The following DOCK11 variants were observed in gnomAD, a reference collection of about 807,000 sequenced individuals.
DOCK11 encodes dedicator of cytokinesis 11, also known as dedicator of cytokinesis protein 11.
In DOCK11, 70 loss-of-function variants were observed where a neutral mutation model predicts 169.1. The observed-to-expected ratio is 0.41, with a 90% confidence interval of 0.34 to 0.51. The LOEUF (loss-of-function observed/expected upper bound fraction) is 0.51, where lower values mean the gene tolerates loss of function less well. DOCK11 is among the 20% of genes least tolerant of loss of function. The pLI, the probability that DOCK11 is intolerant of heterozygous loss-of-function variation, is 0.10. For missense variants in DOCK11, 1,166 were observed against 1,538.8 expected (o/e 0.76, Z 4.05); for synonymous variants, 529 against 541.3 (o/e 0.98, Z 0.32).
At chrX:118,666,813 G>A (rs1393929848) in intron 45 of DOCK11, among the ~76,000 whole-genome samples, 1 of 111,653 alleles carries the variant, frequency 9.0e-6, no homozygotes, top group African/African-American at 3.3e-5. Context: ...TGGTTGGACC[G>A]TTTTATACTG....
chrX:118,672,716 T>A lies in DOCK11; in HGVS notation c.5199+1571T>A, dbSNP rs142335684. On this transcript the variant is annotated intron_variant, in intron 46 of 52. Coordinates refer to ENST00000276202, the MANE Select transcript of DOCK11 (RefSeq NM_144658.4). ...TCCCAAAGTGCTGGGATTACAGGCG[T>A]GAGCCACCGTGCCCGGCCTGGCCAT... 4.8e-3 allele frequency among the ~76,000 whole-genome samples: 540 copies of A among 113,252 alleles called. 4 individuals carry two copies. The highest frequency in any genetic ancestry group is 0.016 in the African/African-American group (509 of 31,248).
At chrX:118,604,521 C>CTTTTTTTTTT (rs74504860) in intron 23 of DOCK11, among the ~76,000 whole-genome samples, 9 of 38,195 alleles carry the variant, frequency 2.4e-4, no homozygotes, top group Admixed American at 1.4e-3. Context: ...GGTTTGTTTC[C>CTTTTTTTTTT]TTTTTTTTTT....
chrX:118,583,457 A>G (rs190954046), intron 14 of DOCK11, among the ~76,000 whole-genome samples: 117 of 111,012 alleles, frequency 1.1e-3, no homozygotes, highest in Non-Finnish European at 2.1e-3. Context: ...ACACATATAT[A>G]TATATGAAGT....
intron 1 of DOCK11, among the ~76,000 whole-genome samples, chrX:118,516,004 A>ACTATATATATATATATATATATAT (rs1436837389): frequency 0.055 from 2,469 of 44,858 alleles, 282 homozygotes; most frequent in East Asian, 0.19. Context: ...GATTTGGGCA[A>ACTATATATATATATATATATATAT]ATATATATAT....
Position 118,636,412 on chromosome X carries a change from A to C in DOCK11, c.3953A>C (p.Glu1318Ala). ...CTCATAAACATTCTTATACTTTTAG[A>C]GTAAGTTATATTAATTTATCTTCAT... ...QELINILILL[E>A]VCLFHFRYMG... Residue 1318 changes from glutamate (E) to alanine (A), a missense_variant and splice_region_variant, in exon 36 of 53, where the codon GAA (glutamate) becomes GCA (alanine). Coordinates refer to ENST00000276202, the MANE Select transcript of DOCK11 (RefSeq NM_144658.4). 1.0e-6 allele frequency: 1 copy of C among 995,800 alleles called. No homozygotes were observed. Among genetic ancestry groups the C allele is most frequent in the Non-Finnish European group, 1.4e-6 (1 of 724,607 alleles). 82.1% of individuals were successfully genotyped at this position (995,800 alleles called of 1,213,427 possible).
intron 44 of DOCK11, among the ~76,000 whole-genome samples, chrX:118,662,479 A>C: frequency 8.9e-6 from 1 of 112,797 alleles, no homozygotes; most frequent in Non-Finnish European, 1.9e-5. Flanking sequence ...TAACTAACTT[A>C]AGCTCACTTT....
In DOCK11 at chrX:118,542,916, T is replaced by C; in HGVS notation, c.220-10T>C. On this transcript the variant is annotated splice_polypyrimidine_tract_variant and intron_variant, in intron 2 of 52. Coordinates refer to ENST00000276202, the MANE Select transcript of DOCK11 (RefSeq NM_144658.4). ...CAGTTCTTACAGCAAAAATGTTCTT[T>C]GTGTTCTAGATCTCGGTGATAGGTC... 8.3e-7 allele frequency: 1 copy of C among 1,210,216 alleles called. No homozygotes were observed. Among genetic ancestry groups the C allele is most frequent in the East Asian group, 3.0e-5 (1 of 33,863 alleles).
intron 51 of DOCK11, among the ~76,000 whole-genome samples, chrX:118,682,702 AC>A (rs2016772539): frequency 8.9e-6 from 1 of 112,389 alleles, no homozygotes; most frequent in South Asian, 3.7e-4. Context: ...CCAGCACTGT[AC>A]TAGCCACATA....
chrX:118,497,288 C>T (rs1325247468), intron 1 of DOCK11, among the ~76,000 whole-genome samples: 1 of 108,200 alleles, frequency 9.2e-6, no homozygotes, highest in Non-Finnish European at 1.9e-5. Context: ...GTAGAATCAG[C>T]AATAAAACCC....
intron 19 of DOCK11, among the ~76,000 whole-genome samples, chrX:118,591,778 C>A (rs1455858926): frequency 6.1e-5 from 2 of 32,569 alleles, no homozygotes; most frequent in African/African-American, 7.7e-5. Context: ...GCTGTCCCTC[C>A]CCCCTCCCCC....
In DOCK11 at chrX:118,657,401, C is replaced by A. The variant is rs773737624; in HGVS notation, c.4969+2440C>A. 3.6e-5 allele frequency among the ~76,000 whole-genome samples: 4 copies of A among 111,527 alleles called. No homozygotes were observed. The South Asian group carries it at 1.1e-3, about 31-fold the overall frequency. On this transcript the variant is annotated intron_variant, in intron 44 of 52. Coordinates refer to ENST00000276202, the MANE Select transcript of DOCK11 (RefSeq NM_144658.4). ...ATAGGTGTCATCTATTTTTAAATTT[C>A]TTTTAATTAAATTTTATTTTATTTT...
intron 40 of DOCK11, among the ~76,000 whole-genome samples, chrX:118,647,141 G>A (rs1173993071): frequency 2.3e-4 from 2 of 8,876 alleles, no homozygotes; most frequent in Admixed American, 1.8e-3. Context: ...AAGAGGATAT[G>A]TGTGTGTGTG....
At chrX:118,542,370 C>G (rs5910374) in intron 1 of DOCK11, among the ~76,000 whole-genome samples, 11,278 of 109,846 alleles carry the variant, frequency 0.1, 601 homozygotes, top group Non-Finnish European at 0.15. Context: ...GGGGTTTTCT[C>G]ATGTTGCCCA....
At chrX:118,500,370 A>G (rs1319956616) in intron 1 of DOCK11, among the ~76,000 whole-genome samples, 1 of 111,346 alleles carries the variant, frequency 9.0e-6, no homozygotes, top group East Asian at 2.8e-4. Context: ...TTACATGCCA[A>G]ATGCTTGTTT....
intron 44 of DOCK11, among the ~76,000 whole-genome samples, chrX:118,657,777 G>A (rs765288195): frequency 2.1e-4 from 23 of 111,221 alleles, no homozygotes; most frequent in Non-Finnish European, 3.8e-4. Flanking sequence ...ATAAGTGGGA[G>A]CTAAGCTATG....
chrX:118,513,738 A>C (rs5910368), intron 1 of DOCK11, among the ~76,000 whole-genome samples: 47,593 of 110,044 alleles, frequency 0.43, 7,778 homozygotes, highest in East Asian at 0.61. Context: ...GTAGATCTTT[A>C]AAAAGTGAAA....
At chrX:118,680,374 C>T (rs891804174) in intron 48 of DOCK11, 108 bp from the exon 49 acceptor site, 2 of 370,684 alleles carry the variant, frequency 5.4e-6, no homozygotes, top group African/African-American at 2.7e-5. Context: ...CAATGTTCCT[C>T]ACTTGGTCTC....
chrX:118,585,590 T>C (rs2013791503), intron 16 of DOCK11, among the ~76,000 whole-genome samples: 1 of 106,606 alleles, frequency 9.4e-6, no homozygotes, highest in Non-Finnish European at 1.9e-5. Flanking sequence ...CGGGTGGACA[T>C]GAATTTTGAG....
chrX:118,517,412 G>T (rs2057697192), intron 1 of DOCK11, among the ~76,000 whole-genome samples: 1 of 107,180 alleles, frequency 9.3e-6, no homozygotes, highest in South Asian at 4.2e-4. Flanking sequence ...ATAAATAAAA[G>T]AGTGCCTATC....
Sources: allele counts gnomAD v4.1 joint callset (sites outside exome capture counted in the v4.1 genomes callset), GRCh38; gene constraint gnomAD v4.1.1; transcripts MANE v1.5; gene names NCBI Gene and HGNC (gene_info 2026-07-23, HGNC 2026-07-21).